VIPAS39: variants seen among roughly 807,000 people sequenced by gnomAD.
The protein encoded by VIPAS39 is spermatogenesis-defective protein 39 homolog.
In VIPAS39, 63 loss-of-function variants were observed where a neutral mutation model predicts 84.7. The observed-to-expected ratio is 0.74, with a 90% CI of 0.61 to 0.92. VIPAS39 has a LOEUF of 0.92. Among genes scored for constraint, VIPAS39 ranks in the 40% least tolerant of loss-of-function variants. The pLI, the probability that VIPAS39 is intolerant of heterozygous loss-of-function variation, is 0.00. For missense variants in VIPAS39, 499 were observed against 604.5 expected (o/e 0.83, Z 1.83); for synonymous variants, 192 against 216.5 (o/e 0.89, Z 0.99).
intron 3 of VIPAS39, among the ~76,000 whole-genome samples, chr14:77,452,384 C>G (rs1390554539): frequency 6.6e-6 from 1 of 151,660 alleles, no homozygotes; most frequent in Admixed American, 6.6e-5. Context: ...CAATATGGAA[C>G]GGAAACTTTT....
intron 4 of VIPAS39, among the ~76,000 whole-genome samples, chr14:77,450,271 A>T (rs1410925217): frequency 1.3e-5 from 2 of 152,216 alleles, no homozygotes; most frequent in African/African-American, 4.8e-5. Flanking sequence ...ATCCTCAAGG[A>T]TCATCCATAT....
At chr14:77,454,373 G>C (rs1157597051) in intron 1 of VIPAS39, among the ~76,000 whole-genome samples, 1 of 152,056 alleles carries the variant, frequency 6.6e-6, no homozygotes, top group Non-Finnish European at 1.5e-5. Flanking sequence ...GTGTTGTAAG[G>C]TATATAAAAA....
intron 15 of VIPAS39, 44 bp downstream of exon 15, chr14:77,434,218 T>C: frequency 6.3e-7 from 1 of 1,579,236 alleles, no homozygotes; most frequent in Non-Finnish European, 8.7e-7. Flanking sequence ...TCCATGTAGT[T>C]ACCCTGATCA....
intron 1 of VIPAS39, 166 bp downstream of exon 1, chr14:77,457,329 G>C: frequency 6.5e-7 from 1 of 1,535,714 alleles, no homozygotes; most frequent in Non-Finnish European, 8.7e-7. Context: ...CGCAGCCCCA[G>C]TCCCAAGCGT....
chr14:77,437,030 C>G, intron 12 of VIPAS39, among the ~76,000 whole-genome samples: 1 of 152,042 alleles, frequency 6.6e-6, no homozygotes, highest in East Asian at 1.9e-4. Flanking sequence ...CCTTGTTTTC[C>G]AGAGGCCATA....
At chr14:77,430,673 C>T (rs2078507427) in intron 16 of VIPAS39, among the ~76,000 whole-genome samples, 1 of 147,186 alleles carries the variant, frequency 6.8e-6, no homozygotes, top group Admixed American at 6.8e-5. Context: ...GCTGAGATTG[C>T]ACCACTGCAC....
At chr14:77,443,847 T>C (rs1394234160) in intron 8 of VIPAS39, among the ~76,000 whole-genome samples, 1 of 139,890 alleles carries the variant, frequency 7.1e-6, no homozygotes, top group Non-Finnish European at 1.5e-5. Flanking sequence ...CACACTAGCC[T>C]GGGCGACAGA....
In VIPAS39 at chr14:77,453,287, T is replaced by G. The variant is rs780421857; in HGVS notation, c.196+12A>C. On this transcript the variant is annotated intron_variant, in intron 3 of 19. Transcript: ENST00000557658. ...TCAACATCTATCCCTGCCTAGGGAC[T>G]CTTCTACTTACTTCCCACAGGTTCC... 2 of 1,613,128 alleles carry G rather than the reference T, an allele frequency of 1.2e-6. No homozygotes were observed. Among genetic ancestry groups the G allele is most frequent in the Non-Finnish European group, 1.7e-6 (2 of 1,179,218 alleles).
intron 1 of VIPAS39, among the ~76,000 whole-genome samples, chr14:77,454,885 C>G (rs923084619): frequency 1.3e-5 from 2 of 152,156 alleles, no homozygotes; most frequent in African/African-American, 4.8e-5. Context: ...ACTTATTGAG[C>G]ACCATCTCTG....
chr14:77,430,831 A>AAAAC (rs1222393894), intron 16 of VIPAS39, among the ~76,000 whole-genome samples: 1 of 152,172 alleles, frequency 6.6e-6, no homozygotes, highest in Non-Finnish European at 1.5e-5. Context: ...GGCTGGCATA[A>AAAAC]AAACAAACAC....
intron 17 of VIPAS39, 89 bp downstream of exon 17, chr14:77,429,592 A>T: frequency 2.3e-6 from 3 of 1,316,096 alleles, no homozygotes; most frequent in Non-Finnish European, 3.3e-6. Flanking sequence ...AAACAAGAGC[A>T]GATCGGGTCT....
chr14:77,434,192 ACAAAG>A, intron 15 of VIPAS39, 65 bp downstream of exon 15: 1 of 1,487,794 alleles, frequency 6.7e-7, no homozygotes, highest in East Asian at 2.3e-5. Context: ...GTACAGGGTT[ACAAAG>A]CAACATCCAC....
chr14:77,440,921 T>C, intron 11 of VIPAS39, 145 bp downstream of exon 11: 1 of 885,482 alleles, frequency 1.1e-6, no homozygotes, highest in Non-Finnish European at 1.8e-6. Context: ...TTTCACCATG[T>C]TGGCCAGGCT....
intron 1 of VIPAS39, 72 bp downstream of exon 1, chr14:77,457,423 G>A (rs1049617614): frequency 3.3e-6 from 5 of 1,533,414 alleles, no homozygotes; most frequent in African/African-American, 1.4e-5. Flanking sequence ...CCTAGAAGAG[G>A]GGAAAAGATC....
At chr14:77,427,834 C>T (rs1279817979) in intron 19 of VIPAS39, among the ~76,000 whole-genome samples, 198 bp from the exon 20 acceptor site, 6 of 152,162 alleles carry the variant, frequency 3.9e-5, no homozygotes, top group Non-Finnish European at 8.8e-5. Flanking sequence ...ATGCATTAAA[C>T]ACCTATTTTG....
intron 14 of VIPAS39, among the ~76,000 whole-genome samples, chr14:77,434,556 G>T (rs966065110): frequency 1.3e-5 from 2 of 152,088 alleles, no homozygotes; most frequent in African/African-American, 4.8e-5. Context: ...GAAAATGTCT[G>T]CCTGTTATCA....
At chr14:77,438,269 C>T (rs2078647195) in intron 11 of VIPAS39, among the ~76,000 whole-genome samples, 2 of 148,358 alleles carry the variant, frequency 1.3e-5, no homozygotes, top group Admixed American at 1.4e-4. Context: ...ACTCTTGTTG[C>T]CCAGGCTGGA....
At chr14:77,429,318 C>A (rs1382959859) in intron 17 of VIPAS39, among the ~76,000 whole-genome samples, 1 of 152,240 alleles carries the variant, frequency 6.6e-6, no homozygotes, top group Admixed American at 6.5e-5. Flanking sequence ...TCTCCTGATC[C>A]TCGAGCCAGA....
chr14:77,451,077 T>A, intron 4 of VIPAS39, 110 bp downstream of exon 4: 5 of 1,529,724 alleles, frequency 3.3e-6, no homozygotes, highest in Non-Finnish European at 3.6e-6. Flanking sequence ...CCAATGAGAA[T>A]GCTTTACCCT....
Sources: gnomAD v4.1 joint callset for allele counts (sites outside exome capture counted in the v4.1 genomes callset) on GRCh38, gnomAD v4.1.1 for gene constraint, MANE v1.5 for transcripts, NCBI Gene and HGNC (gene_info 2026-07-23, HGNC 2026-07-21) for gene names.